Variants in SLC16A14 observed in about 807,000 individuals in gnomAD.
SLC16A14 encodes the protein solute carrier family 16 member 14.
A neutral mutation model predicts 35.8 loss-of-function variants in SLC16A14; 14 were observed. The observed-to-expected ratio is 0.39, with a 90% CI of 0.26 to 0.61. The LOEUF (loss-of-function observed/expected upper bound fraction) is 0.61, where lower values mean the gene tolerates loss of function less well. Ranked by LOEUF, SLC16A14 falls within the 20% of genes least tolerant of loss-of-function variation. The probability of loss-of-function intolerance (pLI) is 0.51; values close to 1 mark genes in which losing one functional copy is unlikely to be tolerated. For missense variants in SLC16A14, 533 were observed against 655.0 expected (o/e 0.81, Z 2.03); for synonymous variants, 248 against 258.9 (o/e 0.96, Z 0.40).
At chr2:230,037,616 G>T in intron 4 of SLC16A14, 85 bp from the exon 5 acceptor site, 2 of 1,077,852 alleles carry the variant, frequency 1.9e-6, no homozygotes, top group Non-Finnish European at 2.6e-6. Flanking sequence ...TATTGCTGCT[G>T]TACATGTTTC....
At chr2:230,062,850 T>C (rs937125626) in intron 1 of SLC16A14, among the ~76,000 whole-genome samples, 6 of 152,212 alleles carry the variant, frequency 3.9e-5, no homozygotes, top group Non-Finnish European at 8.8e-5. Flanking sequence ...TTTTAAATTA[T>C]TCCATCTCCT....
At chr2:230,063,399 T>C (rs1310133877) in intron 1 of SLC16A14, among the ~76,000 whole-genome samples, 1 of 151,550 alleles carries the variant, frequency 6.6e-6, no homozygotes, top group African/African-American at 2.4e-5. Flanking sequence ...TTTTCTCTCC[T>C]TCCCCTCCTC....
chr2:230,046,711 C>A lies in SLC16A14; in HGVS notation c.415G>T (p.Gly139Trp), dbSNP rs2106253959. 1 of 1,599,344 alleles carries A rather than the reference C, an allele frequency of 6.3e-7. No individual in the cohort carries two copies. Among genetic ancestry groups the A allele is most frequent in the East Asian group, 2.2e-5 (1 of 44,880 alleles). Reference protein sequence around the residue: ...TFGVAAGLGSGMAYLPAVVMV... With the variant: ...TFGVAAGLGSWMAYLPAVVMV... ...ACCACCGCTGGCAGGTAGGCCATCC[C>A]GCTGCCCAGGCCTGTACAGGCCGAC... is the stretch of plus-strand genomic sequence containing the variant. The change falls in exon 4 of 5, where the codon GGG (glycine) becomes TGG (tryptophan). Residue 139 changes from glycine (G) to tryptophan (W), a missense_variant. By Grantham distance (184) the Gly-to-Trp change is radical. Coordinates refer to ENST00000295190, the MANE Select transcript of SLC16A14 (RefSeq NM_152527.5). This position sits in a 1 kb window ranked among gnomAD's most constrained non-coding sequence, Gnocchi z 5.0.
At position 230,037,341 on chromosome 2, in the gene SLC16A14, G is replaced by A; in HGVS notation, c.*39C>T. On this transcript the variant is annotated 3_prime_UTR_variant, in exon 5 of 5. Transcript: ENST00000295190. ...CACAGCAACCATGCGAGGTAGGCAT[G>A]AGTATTACAATGAAACCTACACGGA... 6.5e-7 allele frequency: 1 copy of A among 1,533,002 alleles called. No homozygotes were observed. The allele number at this position is 1,533,002 out of a possible 1,614,324, so 95.0% of individuals were successfully genotyped here.
In SLC16A14 at chr2:230,035,337, G is replaced by T. The variant is rs2077512394; in HGVS notation, c.*2043C>A. 6.6e-6 allele frequency: 1 copy of T among 152,616 alleles called. No individual in the cohort carries two copies. Among genetic ancestry groups the T allele is most frequent in the African/African-American group, 2.4e-5 (1 of 41,434 alleles). 9.5% of individuals were successfully genotyped at this position (152,616 alleles called of 1,614,324 possible). On this transcript the variant is annotated 3_prime_UTR_variant, in exon 5 of 5. Coordinates refer to ENST00000295190, the MANE Select transcript of SLC16A14 (RefSeq NM_152527.5). The stretch of plus-strand genomic sequence containing the variant: ...TTAGAGTTGAGTCATTGGATAAAAA[G>T]TTCATATTGATGATACACAACCAGC...
chr2:230,045,679 G>T, intron 4 of SLC16A14, 66 bp downstream of exon 4: 1 of 1,555,772 alleles, frequency 6.4e-7, no homozygotes, highest in South Asian at 1.2e-5. Flanking sequence ...TCTTTATCTG[G>T]GACTTTATAA....
At chr2:230,063,776 C>G (rs1290223838) in intron 1 of SLC16A14, among the ~76,000 whole-genome samples, 1 of 152,026 alleles carries the variant, frequency 6.6e-6, no homozygotes, top group Non-Finnish European at 1.5e-5. Flanking sequence ...CAGTAATTTC[C>G]CGCTTCTTTC....
At chr2:230,053,870 C>T (rs1005606295) in intron 2 of SLC16A14, among the ~76,000 whole-genome samples, 12 of 152,234 alleles carry the variant, frequency 7.9e-5, no homozygotes, top group Non-Finnish European at 1.3e-4. Context: ...TGGAAAAAAG[C>T]GCTGGTAGAG....
chr2:230,051,706 A>G (rs2077661095), intron 2 of SLC16A14, among the ~76,000 whole-genome samples: 1 of 152,188 alleles, frequency 6.6e-6, no homozygotes, highest in Non-Finnish European at 1.5e-5. Context: ...TTGTTTAAAG[A>G]GCTTCCCTTT....
rs1454874947 is a variant in SLC16A14 at position 230,068,403 on chromosome 2, C to T, written c.-15+152G>A. On this transcript the variant is annotated intron_variant, in intron 1 of 4. Transcript: ENST00000295190. The surrounding 1 kb of genome is among the most constrained non-coding windows in gnomAD (Gnocchi z 5.1). The stretch of plus-strand genomic sequence containing the variant: ...CCCGGCACAGTCTCGCCCTCCACCG[C>T]CCGGGCAGCCTTTCCCGAGCCTGCC... 1 of 152,502 alleles carries T rather than the reference C, an allele frequency of 6.6e-6. No individual in the cohort carries two copies. Among genetic ancestry groups the T allele is most frequent in the Non-Finnish European group, 1.5e-5 (1 of 68,184 alleles). The allele number at this position is 152,502 out of a possible 1,614,324, so 9.4% of individuals were successfully genotyped here.
Position 230,059,126 on chromosome 2 carries a change from C to T in SLC16A14, c.227G>A (p.Ser76Asn). 1 of 1,613,788 alleles carries T rather than the reference C, an allele frequency of 6.2e-7. No homozygotes were observed. Among genetic ancestry groups the T allele is most frequent in the Non-Finnish European group, 8.5e-7 (1 of 1,179,832 alleles). ...CAAGGTGATGCCCATGCTGAGGGAG[C>T]TGACCCAGGCGGTCAGGCCGCGGCT... ...HQSRGLTAWVSSLSMGITLIV... is the reference protein window; with the variant it reads ...HQSRGLTAWVNSLSMGITLIV... The change falls in exon 2 of 5, where the codon AGC becomes AAC. Residue 76 changes from serine (S) to asparagine (N), a missense_variant. Physicochemically the swap from Ser to Asn is conservative, Grantham distance 46 (BLOSUM62 1). Transcript: ENST00000295190.
chr2:230,057,414 A>G (rs565911642), intron 2 of SLC16A14, among the ~76,000 whole-genome samples: 4 of 152,284 alleles, frequency 2.6e-5, no homozygotes, highest in African/African-American at 9.6e-5. Context: ...AAATAGAAGA[A>G]TAGGGAGTGT....
At chr2:230,047,107 A>T (rs1195293189) in intron 3 of SLC16A14, among the ~76,000 whole-genome samples, 2 of 152,132 alleles carry the variant, frequency 1.3e-5, no homozygotes, top group African/African-American at 2.4e-5. Context: ...TGGGAGAATG[A>T]ACGTCTTCTC....
intron 1 of SLC16A14, among the ~76,000 whole-genome samples, chr2:230,067,512 A>G (rs1319120818): frequency 7.2e-6 from 1 of 139,508 alleles, no homozygotes; most frequent in Non-Finnish European, 1.5e-5. Context: ...TCCCACCCCC[A>G]ACACTGCCTC....
rs965897948 is a variant in SLC16A14 at position 230,038,483 on chromosome 2, T to C, written c.1382-952A>G. Among the ~76,000 whole-genome samples the C allele has an allele frequency of 1.3e-5, 2 of 152,258 alleles. No individual in the cohort carries two copies. The highest frequency in any genetic ancestry group is 1.9e-4 in the East Asian group (1 of 5,204). ...TGGATCACAAGTCATGGTTCCCACA[T>C]AGTCAACTACGCAAACTGAGAGGAT... On this transcript the variant is annotated intron_variant, in intron 4 of 4. Transcript: ENST00000295190. The surrounding 1 kb of genome is among the most constrained non-coding windows in gnomAD (Gnocchi z 4.4).
chr2:230,046,675 T>C lies in SLC16A14; in HGVS notation c.451A>G (p.Arg151Gly). 1.2e-6 allele frequency: 2 copies of C among 1,602,252 alleles called. No homozygotes were observed. Among genetic ancestry groups the C allele is most frequent in the South Asian group, 2.2e-5 (2 of 91,086 alleles). The change falls in exon 4 of 5, where the codon AGG becomes GGG. Residue 151 changes from arginine (R) to glycine (G), a missense_variant. Physicochemically the swap from Arg to Gly is moderately radical, Grantham distance 125. Coordinates refer to ENST00000295190, the MANE Select transcript of SLC16A14 (RefSeq NM_152527.5). This position sits in a 1 kb window ranked among gnomAD's most constrained non-coding sequence, Gnocchi z 5.0. ...AGGGCGCGTCTCTTCTGGAAATACC[T>C]GCCCACCATGACCACCGCTGGCAGG... ...AYLPAVVMVG[R>G]YFQKRRALAQ...
rs1384543881 is a variant in SLC16A14, at chr2:230,046,003, C to T, written c.1123G>A (p.Asp375Asn). The T allele has an allele frequency of 3.7e-6, 6 of 1,613,802 alleles. No individual in the cohort carries two copies. Among genetic ancestry groups the T allele is most frequent in the African/African-American group, 1.3e-5 (1 of 74,932 alleles). The change falls in exon 4 of 5, where the codon GAC (aspartate) becomes AAC (asparagine). Residue 375 changes from aspartate to asparagine, a missense_variant. By Grantham distance (23) the Asp-to-Asn change is conservative. Coordinates refer to ENST00000295190, the MANE Select transcript of SLC16A14 (RefSeq NM_152527.5). The surrounding 1 kb of genome is among the most constrained non-coding windows in gnomAD (Gnocchi z 5.0). ...FGKVILGVIA[D>N]LPCISVWNVF... The stretch of plus-strand genomic sequence containing the variant: ...TTCCAAACACTAATGCAAGGCAAGT[C>T]GGCTATGACGCCCAGGATCACTTTT...
chr2:230,051,253 C>G (rs2077657460), intron 2 of SLC16A14, among the ~76,000 whole-genome samples: 1 of 152,168 alleles, frequency 6.6e-6, no homozygotes, highest in South Asian at 2.1e-4. Flanking sequence ...CTTCACCTCC[C>G]TGGGATCAAG....
chr2:230,040,586 T>C (rs991161717), intron 4 of SLC16A14, among the ~76,000 whole-genome samples: 7 of 152,150 alleles, frequency 4.6e-5, no homozygotes, highest in Admixed American at 1.3e-4. Flanking sequence ...TATAAGCATG[T>C]GTAAAAGCAT....
Sources: gnomAD v4.1 joint callset for allele counts (sites outside exome capture counted in the v4.1 genomes callset) on GRCh38, gnomAD v4.1.1 for gene constraint, Gnocchi (gnomAD v3.1) non-coding constraint, MANE v1.5 for transcripts, NCBI Gene and HGNC (gene_info 2026-07-23, HGNC 2026-07-21) for gene names.